The following KCNMA1 variants were observed in gnomAD, a reference collection of about 807,000 sequenced individuals.
KCNMA1 encodes potassium calcium-activated channel subfamily M alpha 1.
Under a neutral mutation model 140.0 loss-of-function variants are expected in KCNMA1, and 29 were observed. The observed-to-expected ratio is 0.21, with a 90% CI of 0.15 to 0.28. The LOEUF (loss-of-function observed/expected upper bound fraction) is 0.28, where lower values mean the gene tolerates loss of function less well. Ranked by LOEUF, KCNMA1 falls within the 10% of genes least tolerant of loss-of-function variation. The pLI is 1.00. For missense variants in KCNMA1, 880 were observed against 1,602.2 expected (o/e 0.55, Z 7.70); for synonymous variants, 612 against 611.9 (o/e 1.00, Z 0.00).
chr10:76,982,822 A>G (rs190483742), intron 19 of KCNMA1, among the ~76,000 whole-genome samples: 27 of 152,338 alleles, frequency 1.8e-4, no homozygotes, highest in Admixed American at 1.3e-3. Flanking sequence ...TTTCCAAGGT[A>G]AGAAACACAC....
chr10:76,947,178 T>C (rs1565109068), intron 22 of KCNMA1, among the ~76,000 whole-genome samples: 1 of 96,998 alleles, frequency 1.0e-5, no homozygotes, highest in African/African-American at 3.9e-5. Context: ...CTACTGAAAA[T>C]ACAAAAAAAG....
chr10:76,910,230 T>G, intron 24 of KCNMA1, 134 bp from the exon 25 acceptor site: 3 of 968,906 alleles, frequency 3.1e-6, no homozygotes, highest in Non-Finnish European at 4.7e-6. Context: ...AAGCTGTAGA[T>G]GGATCTTTGG....
At chr10:77,448,205 C>T (rs2097564271) in intron 1 of KCNMA1, among the ~76,000 whole-genome samples, 1 of 152,178 alleles carries the variant, frequency 6.6e-6, no homozygotes, top group African/African-American at 2.4e-5. Context: ...GGTGGGGCAG[C>T]TGCAGCCCCT....
intron 1 of KCNMA1, among the ~76,000 whole-genome samples, chr10:77,485,744 G>A (rs1026254326): frequency 2.0e-5 from 3 of 152,174 alleles, no homozygotes; most frequent in Non-Finnish European, 4.4e-5. Flanking sequence ...CTGGATCAGG[G>A]TCAGAGAGCA....
chr10:76,914,505 A>C, intron 24 of KCNMA1: 1 of 341,636 alleles, frequency 2.9e-6, no homozygotes. Context: ...TGTTCCCAAA[A>C]TGGGTTTGGC....
At chr10:76,995,105 G>C (rs1170206053) in intron 19 of KCNMA1, among the ~76,000 whole-genome samples, 1 of 152,152 alleles carries the variant, frequency 6.6e-6, no homozygotes, top group African/African-American at 2.4e-5. Context: ...AATCAACTCA[G>C]GGGGCGATCC....
Position 76,971,987 on chromosome 10 carries a change from G to T in KCNMA1, c.2267-1920C>A, listed in dbSNP as rs551623237. Among the ~76,000 whole-genome samples the T allele has an allele frequency of 6.6e-5, 10 of 152,028 alleles. No homozygotes were observed. In the South Asian group the frequency reaches 2.1e-3, roughly 32 times the overall value. ...CGAGGGTGTGTGGGTGTGTGTGTGT[G>T]TGTGTGTGTGTAGGTATGCTTTCGC... On this transcript the variant is annotated intron_variant, in intron 19 of 27. Coordinates refer to ENST00000286628, the MANE Select transcript of KCNMA1 (RefSeq NM_001161352.2).
chr10:77,518,438 G>A (rs552005181), intron 1 of KCNMA1, among the ~76,000 whole-genome samples: 1 of 152,240 alleles, frequency 6.6e-6, no homozygotes, highest in African/African-American at 2.4e-5. Flanking sequence ...CCCTCCCCCA[G>A]CATCCATTTA....
intron 1 of KCNMA1, among the ~76,000 whole-genome samples, chr10:77,469,816 G>A (rs1567014697): frequency 2.0e-5 from 3 of 152,170 alleles, no homozygotes; most frequent in Admixed American, 6.5e-5. Flanking sequence ...TGGATCTTCC[G>A]GCTGATGGCT....
At chr10:77,568,127 G>T (rs1455130691) in intron 1 of KCNMA1, among the ~76,000 whole-genome samples, 1 of 152,198 alleles carries the variant, frequency 6.6e-6, no homozygotes, top group Non-Finnish European at 1.5e-5. Flanking sequence ...AAGACCAGAT[G>T]CATTCACAGC....
intron 2 of KCNMA1, among the ~76,000 whole-genome samples, chr10:77,265,597 G>A (rs12241413): frequency 0.047 from 7,200 of 152,194 alleles, 585 homozygotes; most frequent in African/African-American, 0.16. Flanking sequence ...GAGAAAACCG[G>A]CTGGAGCTCT....
At chr10:77,280,026 C>T (rs1233933851) in intron 2 of KCNMA1, among the ~76,000 whole-genome samples, 1 of 152,160 alleles carries the variant, frequency 6.6e-6, no homozygotes, top group African/African-American at 2.4e-5. Flanking sequence ...CAGTACATCC[C>T]CACCATTTGC....
At chr10:77,628,598 T>C (rs140302755) in intron 1 of KCNMA1, among the ~76,000 whole-genome samples, 4,012 of 151,002 alleles carry the variant, frequency 0.027, 81 homozygotes, top group African/African-American at 0.062. Context: ...GCCGAGATCA[T>C]GCCACTGCAC....
intron 2 of KCNMA1, among the ~76,000 whole-genome samples, chr10:77,354,814 T>C (rs1054909153): frequency 1.3e-5 from 2 of 152,214 alleles, no homozygotes; most frequent in African/African-American, 4.8e-5. Flanking sequence ...TGAGTTGTCA[T>C]AGACTGAGCA....
rs749625353 is a variant in KCNMA1 at position 77,108,580 on chromosome 10, G to T, written c.1132-8C>A. On this transcript the variant is annotated splice_region_variant and splice_polypyrimidine_tract_variant and intron_variant, in intron 8 of 27. Coordinates refer to ENST00000286628, the MANE Select transcript of KCNMA1 (RefSeq NM_001161352.2). This position sits in a 1 kb window ranked among gnomAD's most constrained non-coding sequence, Gnocchi z 4.6. ...GTAGCTGGCAAACATGGCCTGAGAA[G>T]ATAGGAGACAGAAGAGAGACTAAAA... The T allele has an allele frequency of 1.2e-6, 2 of 1,606,518 alleles. No homozygotes were observed. Among genetic ancestry groups the T allele is most frequent in the African/African-American group, 1.3e-5 (1 of 74,822 alleles).
At chr10:76,932,841 T>C (rs1468502728) in intron 23 of KCNMA1, among the ~76,000 whole-genome samples, 5 of 152,214 alleles carry the variant, frequency 3.3e-5, no homozygotes, top group Non-Finnish European at 1.5e-5. Context: ...CATTTCTACA[T>C]GGCCAGGGAA....
intron 3 of KCNMA1, among the ~76,000 whole-genome samples, chr10:77,247,680 C>T (rs998700079): frequency 2.6e-5 from 4 of 152,090 alleles, no homozygotes; most frequent in Non-Finnish European, 4.4e-5. Flanking sequence ...CAATCCACCT[C>T]GTGTGGCTAA....
intron 14 of KCNMA1, among the ~76,000 whole-genome samples, chr10:77,051,143 T>G (rs183446633): frequency 7.9e-5 from 12 of 152,320 alleles, no homozygotes; most frequent in African/African-American, 2.6e-4. Flanking sequence ...AACTTTCCCA[T>G]TTTAGGACAC....
intron 14 of KCNMA1, 26 bp from the exon 15 acceptor site, chr10:77,039,663 A>G (rs749440447): frequency 1.1e-5 from 16 of 1,404,532 alleles, no homozygotes; most frequent in Non-Finnish European, 1.0e-5. Context: ...ACATGCGGAG[A>G]GTTTAAAATA....
Sources: allele counts gnomAD v4.1 joint callset (sites outside exome capture counted in the v4.1 genomes callset), GRCh38; gene constraint gnomAD v4.1.1; non-coding constraint Gnocchi (gnomAD v3.1); transcripts MANE v1.5; gene names NCBI Gene and HGNC (gene_info 2026-07-23, HGNC 2026-07-21).